Variants in NCOR1 observed in about 807,000 individuals in gnomAD.
The protein encoded by NCOR1 is protein phosphatase 1, regulatory subunit 109.
Under a neutral mutation model 288.1 loss-of-function variants are expected in NCOR1, and 63 were observed. That is an observed-to-expected ratio of 0.22 (90% confidence interval 0.18 to 0.27). The LOEUF is 0.27. NCOR1 is among the 10% of genes least tolerant of loss of function. The pLI is 1.00. For synonymous variants in NCOR1, 1,007 were observed against 1,065.9 expected, an observed-to-expected ratio of 0.94 and a Z score of 1.08; for missense variants, 2,397 against 3,019.2, an observed-to-expected ratio of 0.79 and a Z score of 4.83.
chr17:16,058,267 T>A, intron 38 of NCOR1: 1 of 881,094 alleles, frequency 1.1e-6, no homozygotes, highest in Non-Finnish European at 1.6e-6. Context: ...AATGCAGAAG[T>A]AAGCAAACAA....
intron 45 of NCOR1, among the ~76,000 whole-genome samples, chr17:16,033,358 C>G (rs1307880643): frequency 1.4e-5 from 2 of 142,082 alleles, no homozygotes; most frequent in Non-Finnish European, 3.0e-5. Context: ...AAAAAAAACC[C>G]AAAAACATAA....
chr17:16,205,749 C>A (rs2091426752), intron 1 of NCOR1, among the ~76,000 whole-genome samples: 1 of 151,468 alleles, frequency 6.6e-6, no homozygotes, highest in Non-Finnish European at 1.5e-5. Flanking sequence ...ACCAGCCTGG[C>A]CAACACAGAG....
intron 14 of NCOR1, among the ~76,000 whole-genome samples, chr17:16,129,735 G>C (rs1007908394): frequency 1.3e-5 from 2 of 152,214 alleles, no homozygotes; most frequent in African/African-American, 4.8e-5. Context: ...CAAGTGAGCT[G>C]TGTAACCCAG....
intron 3 of NCOR1, among the ~76,000 whole-genome samples, chr17:16,178,324 C>G (rs1026557327): frequency 6.6e-6 from 1 of 151,382 alleles, no homozygotes; most frequent in Non-Finnish European, 1.5e-5. Context: ...ACAGTGAAAC[C>G]CCATTTCTGC....
chr17:16,043,242 CT>C (rs2058067747), intron 42 of NCOR1, among the ~76,000 whole-genome samples: 1 of 152,222 alleles, frequency 6.6e-6, no homozygotes, highest in Admixed American at 6.5e-5. Flanking sequence ...CTTGGGAACA[CT>C]GGATTCAGAT....
At position 16,067,997 on chromosome 17, in the gene NCOR1, C is replaced by T. The variant is rs755919363; in HGVS notation, c.4638G>A (p.Pro1546=). The T allele has an allele frequency of 8.1e-6, 13 of 1,614,086 alleles. No individual in the cohort carries two copies. The highest frequency in any genetic ancestry group is 5.3e-5 in the African/African-American group (4 of 74,924). Residue 1546 remains proline, a synonymous_variant, in exon 32 of 46, where the codon CCG becomes CCA. Transcript: ENST00000268712. ...TGCTGCCTCTGTGATGGGGATCAAA[C>T]GGACTGTGGCTCACGACAGGGTCCA... is the stretch of plus-strand genomic sequence containing the variant. ...PGVDPVVSHS[P]FDPHHRGSTA... is the part of the protein sequence containing the mutation.
At chr17:16,092,658 TATATATATATATATATATATATATATA>T (rs2065408412) in intron 21 of NCOR1, among the ~76,000 whole-genome samples, 2 of 9,212 alleles carry the variant, frequency 2.2e-4, no homozygotes, top group East Asian at 4.4e-3. Flanking sequence ...TATATATATA[TATATATATATATATATATATATATATA>T]TATATATATA....
chr17:16,208,109 C>T (rs1388691473), intron 1 of NCOR1, among the ~76,000 whole-genome samples: 2 of 129,984 alleles, frequency 1.5e-5, no homozygotes, highest in Admixed American at 9.3e-5. Context: ...GGCGCAATCT[C>T]GGTTCACTGC....
Position 16,034,945 on chromosome 17 carries a change from C to T in NCOR1, c.6956-1G>A, listed in dbSNP as rs1304246858. Reference sequence around the variant, plus strand: ...ATCAGCTTTGGTTTGCAAACTCCTCCTGAAAGTGAAATTCAAGTTAAAGTA... The same window carrying T: ...ATCAGCTTTGGTTTGCAAACTCCTCTTGAAAGTGAAATTCAAGTTAAAGTA... On this transcript the variant is annotated splice_acceptor_variant, in intron 44 of 45. Coordinates refer to ENST00000268712, the MANE Select transcript of NCOR1 (RefSeq NM_006311.4). LOFTEE classifies it high-confidence loss of function. The T allele has an allele frequency of 6.2e-7, 1 of 1,613,324 alleles. No individual in the cohort carries two copies. Among genetic ancestry groups the T allele is most frequent in the Admixed American group, 1.7e-5 (1 of 59,804 alleles).
At chr17:16,087,431 G>C in intron 22 of NCOR1, 1 of 846,980 alleles carries the variant, frequency 1.2e-6, no homozygotes, top group Non-Finnish European at 1.7e-6. Context: ...ACCATCCAGG[G>C]GCTGATCCGA....
chr17:16,111,965 G>A (rs1335515029), intron 18 of NCOR1, among the ~76,000 whole-genome samples: 2 of 152,162 alleles, frequency 1.3e-5, no homozygotes, highest in African/African-American at 4.8e-5. Flanking sequence ...CGGCTCCCGG[G>A]TTCAGGCCAT....
chr17:16,190,488 C>CCA (rs1314600169), intron 2 of NCOR1, among the ~76,000 whole-genome samples: 2 of 151,852 alleles, frequency 1.3e-5, no homozygotes, highest in Non-Finnish European at 2.9e-5. Context: ...GCGCCCAACA[C>CCA]CACACCCAGC....
At chr17:16,183,753 T>A (rs1018307565) in intron 3 of NCOR1, among the ~76,000 whole-genome samples, 1 of 151,968 alleles carries the variant, frequency 6.6e-6, no homozygotes, top group African/African-American at 2.4e-5. Context: ...AAAATTCACA[T>A]GGAAGTATAA....
chr17:16,120,735 A>G (rs967023313), intron 16 of NCOR1, among the ~76,000 whole-genome samples: 10 of 152,158 alleles, frequency 6.6e-5, no homozygotes, highest in African/African-American at 2.2e-4. Flanking sequence ...TCATTCAGCA[A>G]TAAGAGAATG....
chr17:16,165,485 C>T (rs1049671398), intron 4 of NCOR1, among the ~76,000 whole-genome samples: 7 of 152,202 alleles, frequency 4.6e-5, no homozygotes, highest in African/African-American at 1.4e-4. Context: ...AAGATACCAA[C>T]TTCTCAGCCA....
intron 35 of NCOR1, among the ~76,000 whole-genome samples, chr17:16,063,658 T>G (rs1259570833): frequency 6.6e-6 from 1 of 152,220 alleles, no homozygotes; most frequent in Non-Finnish European, 1.5e-5. Flanking sequence ...ACCTGCCTCC[T>G]GGACACAACA....
At chr17:16,136,821 A>AGAAAG (rs201314008) in intron 14 of NCOR1, among the ~76,000 whole-genome samples, 2 of 139,340 alleles carry the variant, frequency 1.4e-5, no homozygotes, top group Non-Finnish European at 1.6e-5. Context: ...AAAAAAAAAA[A>AGAAAG]AAAAAAAGAA....
chr17:16,194,785 G>A, intron 1 of NCOR1, 146 bp from the exon 2 acceptor site: 3 of 365,550 alleles, frequency 8.2e-6, no homozygotes, highest in Non-Finnish European at 1.0e-5. Flanking sequence ...AAGTTACCAA[G>A]GTTTGAAAAC....
Position 16,166,739 on chromosome 17 carries a change from TC to T in NCOR1, c.436-1579del, listed in dbSNP as rs1159226103. Among the ~76,000 whole-genome samples the T allele has an allele frequency of 2.7e-5, 4 of 150,620 alleles. No individual in the cohort carries two copies. The East Asian group carries it at 5.8e-4, about 22-fold the overall frequency. On this transcript the variant is annotated intron_variant, in intron 4 of 45. Coordinates refer to ENST00000268712, the MANE Select transcript of NCOR1 (RefSeq NM_006311.4). Reference sequence around the variant, plus strand: ...AACCATCTTTATCAACCTTTTTTTCTCCCCCTCCCTCCTTTATCAACATTAA... The same window carrying T: ...AACCATCTTTATCAACCTTTTTTTCTCCCCTCCCTCCTTTATCAACATTAA...
Sources: allele counts gnomAD v4.1 joint callset (sites outside exome capture counted in the v4.1 genomes callset), GRCh38; gene constraint gnomAD v4.1.1; transcripts MANE v1.5; gene names NCBI Gene and HGNC (gene_info 2026-07-23, HGNC 2026-07-21).